The following BPIFC variants were observed in gnomAD, a reference collection of about 807,000 sequenced individuals.
BPIFC encodes the protein BPI fold-containing family C protein.
Under a neutral mutation model 57.6 loss-of-function variants are expected in BPIFC, and 60 were observed. The ratio of observed to expected loss-of-function variants is 1.04; its 90% CI spans 0.85 to 1.29. The LOEUF (loss-of-function observed/expected upper bound fraction) is 1.29. Among genes scored for constraint, BPIFC ranks in the 50% most tolerant of loss-of-function variants. The pLI is 0.00. For synonymous variants in BPIFC, 243 were observed against 224.5 expected (o/e 1.08, Z -0.74); for missense variants, 581 against 600.5 (o/e 0.97, Z 0.34).
At position 32,454,493 on chromosome 22, in the gene BPIFC, C is replaced by A. The variant is rs146182871; in HGVS notation, c.125-990G>T. ...AGCTTCTTTATATGGAAGCATCACA[C>A]GACACATTTCTCTGAGCTCATTGGG... On this transcript the variant is annotated intron_variant, in intron 3 of 16. Coordinates refer to ENST00000300399, the MANE Select transcript of BPIFC (RefSeq NM_174932.3). Among the ~76,000 whole-genome samples, 270 of 152,274 alleles carry A rather than the reference C, an allele frequency of 1.8e-3. 4 individuals carry two copies. In the East Asian group the frequency reaches 0.026, roughly 15 times the overall value.
At chr22:32,461,732 T>C in intron 1 of BPIFC, 71 bp from the exon 2 acceptor site, 2 of 728,732 alleles carry the variant, frequency 2.7e-6, no homozygotes, top group Non-Finnish European at 1.7e-6. Context: ...GGTTAGTGGC[T>C]GCTGACCAAC....
chr22:32,433,227 T>A (rs1934298158), intron 11 of BPIFC, among the ~76,000 whole-genome samples: 1 of 151,998 alleles, frequency 6.6e-6, no homozygotes, highest in Non-Finnish European at 1.5e-5. Flanking sequence ...CAAAAACAAA[T>A]CTAGGTCTAT....
chr22:32,450,180 A>T (rs1045491089), intron 4 of BPIFC, among the ~76,000 whole-genome samples: 4 of 152,078 alleles, frequency 2.6e-5, no homozygotes, highest in Non-Finnish European at 4.4e-5. Flanking sequence ...ATAAGATTAT[A>T]TACTGTATTT....
intron 11 of BPIFC, 30 bp from the exon 12 acceptor site, chr22:32,432,573 T>C (rs758289225): frequency 7.5e-6 from 12 of 1,607,014 alleles, no homozygotes; most frequent in Non-Finnish European, 7.7e-6. Context: ...GAAATAAAGA[T>C]TGTGAGGCGT....
chr22:32,428,892 C>G (rs1322461075), intron 13 of BPIFC, among the ~76,000 whole-genome samples: 1 of 149,318 alleles, frequency 6.7e-6, no homozygotes, highest in Non-Finnish European at 1.5e-5. Context: ...GAGTAACACT[C>G]CATCTCAAAA....
chr22:32,437,413 TAG>T (rs1934439892), intron 9 of BPIFC, among the ~76,000 whole-genome samples: 1 of 152,172 alleles, frequency 6.6e-6, no homozygotes, highest in Non-Finnish European at 1.5e-5. Context: ...TTTTTTGAGA[TAG>T]AGTCTTGCTC....
intron 13 of BPIFC, among the ~76,000 whole-genome samples, chr22:32,422,734 TGAA>T (rs1045264493): frequency 2.0e-5 from 3 of 151,718 alleles, no homozygotes; most frequent in African/African-American, 7.3e-5. Flanking sequence ...TGCGAAAAGA[TGAA>T]GAAACCAGCG....
At chr22:32,434,605 C>T (rs1034130932) in intron 10 of BPIFC, among the ~76,000 whole-genome samples, 5 of 151,734 alleles carry the variant, frequency 3.3e-5, no homozygotes, top group African/African-American at 9.7e-5. Flanking sequence ...CAGTCATTAA[C>T]GATAAGCCTT....
chr22:32,461,006 G>C (rs1601489769), intron 2 of BPIFC, among the ~76,000 whole-genome samples: 1 of 152,194 alleles, frequency 6.6e-6, no homozygotes, highest in Non-Finnish European at 1.5e-5. Flanking sequence ...GGTTAACAAA[G>C]TATTTGTGTA....
Position 32,415,940 on chromosome 22 carries a change from A to G in BPIFC, c.1376T>C (p.Val459Ala). ...PLSNPHKFLF[V>A]NSDIEVLEGF... ...CTCAAGAACTTCAATATCTGAATTG[A>G]CGAATAAGAATTTGTGTGGATTGGA... The change falls in exon 16 of 17, where the codon GTC (valine) becomes GCC (alanine). Residue 459 changes from valine to alanine, a missense_variant. Physicochemically the swap from Val to Ala is moderately conservative, Grantham distance 64 (BLOSUM62 0). Transcript: ENST00000300399. The G allele has an allele frequency of 4.4e-6, 7 of 1,593,968 alleles. No individual in the cohort carries two copies. Among genetic ancestry groups the G allele is most frequent in the South Asian group, 1.1e-5 (1 of 87,730 alleles).
chr22:32,414,553 GC>G, intron 16 of BPIFC, 128 bp from the exon 17 acceptor site: 1 of 1,193,960 alleles, frequency 8.4e-7, no homozygotes, highest in Non-Finnish European at 1.1e-6. Context: ...AAAGGCTGTC[GC>G]CCAGGCTGGA....
intron 1 of BPIFC, 47 bp downstream of exon 1, chr22:32,464,327 T>G: frequency 4.3e-6 from 4 of 923,948 alleles, no homozygotes; most frequent in Non-Finnish European, 5.2e-6. Flanking sequence ...ATCTCCAGTT[T>G]GGAGATCATG....
In BPIFC at chr22:32,415,969, A is replaced by G. The variant is rs893682926; in HGVS notation, c.1347T>C (p.Pro449=). 2 of 1,587,274 alleles carry G rather than the reference A, an allele frequency of 1.3e-6. No homozygotes were observed. The highest frequency in any genetic ancestry group is 1.7e-6 in the Non-Finnish European group (2 of 1,169,562). ...ATAAGAATTTGTGTGGATTGGACAG[A>G]GGAAATCCTTGCTGCAATTTTGCTA... ...LANAKLQQGF[P]LSNPHKFLFV... The change falls in exon 16 of 17, where the codon CCT becomes CCC. Residue 449 remains proline (P), a synonymous_variant. Coordinates refer to ENST00000300399, the MANE Select transcript of BPIFC (RefSeq NM_174932.3).
rs1300545822 is a variant in BPIFC at position 32,419,417 on chromosome 22, A to G, written c.1218-13T>C. 6 of 1,612,114 alleles carry G rather than the reference A, an allele frequency of 3.7e-6. No individual in the cohort carries two copies. Among genetic ancestry groups the G allele is most frequent in the Non-Finnish European group, 5.1e-6 (6 of 1,178,346 alleles). On this transcript the variant is annotated splice_polypyrimidine_tract_variant and intron_variant, in intron 13 of 16. Coordinates refer to ENST00000300399, the MANE Select transcript of BPIFC (RefSeq NM_174932.3). ...AGCAAGGCGGAATCTAAAAGAAAAC[A>G]AGAAAAGTTTAAAGGATTTGAAAAC...
chr22:32,445,850 C>T lies in BPIFC; in HGVS notation c.521G>A (p.Gly174Glu). 1 of 1,613,970 alleles carries T rather than the reference C, an allele frequency of 6.2e-7. No homozygotes were observed. Among genetic ancestry groups the T allele is most frequent in the South Asian group, 1.1e-5 (1 of 91,056 alleles). ...QLSHAHVSFS[G>E]ELSVLYNSFA... Reference sequence around the variant, plus strand: ...CAGGGCTCTCATTCACCTGAGTTCTCCGGAAAATGAGACGTGGGCATGGCT... The same window carrying T: ...CAGGGCTCTCATTCACCTGAGTTCTTCGGAAAATGAGACGTGGGCATGGCT... Residue 174 changes from glycine to glutamate, a missense_variant, in exon 6 of 17, where the codon GGA (glycine) becomes GAA (glutamate). By Grantham distance (98) the Gly-to-Glu change is moderately conservative (BLOSUM62 -2). Coordinates refer to ENST00000300399, the MANE Select transcript of BPIFC (RefSeq NM_174932.3).
intron 1 of BPIFC, among the ~76,000 whole-genome samples, chr22:32,463,024 G>C (rs1935197559): frequency 6.6e-6 from 1 of 152,092 alleles, no homozygotes; most frequent in African/African-American, 2.4e-5. Flanking sequence ...AGTAAAACCT[G>C]TTTTCCCTTC....
chr22:32,457,683 T>C (rs1935073305), intron 2 of BPIFC, among the ~76,000 whole-genome samples: 1 of 152,050 alleles, frequency 6.6e-6, no homozygotes, highest in Admixed American at 6.5e-5. Flanking sequence ...AAGGGTGTAG[T>C]GTTGACCTAC....
At chr22:32,436,318 GGAA>G (rs139484255) in intron 9 of BPIFC, among the ~76,000 whole-genome samples, 13 of 118,850 alleles carry the variant, frequency 1.1e-4, no homozygotes, top group East Asian at 2.1e-4. Context: ...AAGAGGAAGA[GGAA>G]GAAGAAGAAG....
At chr22:32,424,600 T>C (rs868642653) in intron 13 of BPIFC, among the ~76,000 whole-genome samples, 1,151 of 78,492 alleles carry the variant, frequency 0.015, 109 homozygotes, top group East Asian at 0.029. Context: ...TTCTTCTTCT[T>C]CTCCTCCTCC....
Sources: gnomAD v4.1 joint callset for allele counts (sites outside exome capture counted in the v4.1 genomes callset) on GRCh38, gnomAD v4.1.1 for gene constraint, MANE v1.5 for transcripts, NCBI Gene and HGNC (gene_info 2026-07-23, HGNC 2026-07-21) for gene names.